The following ZNF124 variants were observed in gnomAD, a reference collection of about 807,000 sequenced individuals.
ZNF124 encodes the protein zinc finger protein 124.
In ZNF124, 25 loss-of-function variants were observed where a neutral mutation model predicts 26.6. The observed-to-expected ratio is 0.94, with a 90% CI of 0.68 to 1.31. The LOEUF is 1.31. Among genes scored for constraint, ZNF124 ranks in the 40% most tolerant of loss-of-function variants. ZNF124 has a pLI of 0.00. For missense variants in ZNF124, 444 were observed against 422.2 expected (o/e 1.05, Z -0.45); for synonymous variants, 129 against 133.3 (o/e 0.97, Z 0.22).
At chr1:247,165,056 G>A (rs1271746071) in intron 1 of ZNF124, among the ~76,000 whole-genome samples, 1 of 151,808 alleles carries the variant, frequency 6.6e-6, no homozygotes, top group Non-Finnish European at 1.5e-5. Context: ...AAGCTCCGCT[G>A]CCCCGGTTCA....
At chr1:247,123,522 T>G (rs1215272602) in exon 4 of ZNF124, 6 of 244,988 alleles carry the variant, frequency 2.4e-5, no homozygotes, top group Admixed American at 1.1e-4. Context: ...GTTAATAGCT[T>G]TATTGGGATC....
intron 3 of ZNF124, among the ~76,000 whole-genome samples, chr1:247,146,100 C>G (rs1253128678): frequency 6.6e-6 from 1 of 152,170 alleles, no homozygotes; most frequent in Non-Finnish European, 1.5e-5. Context: ...TGTGACCACC[C>G]CACTCAGGTT....
At chr1:247,133,444 C>T (rs1672414477) in intron 3 of ZNF124, among the ~76,000 whole-genome samples, 1 of 151,980 alleles carries the variant, frequency 6.6e-6, no homozygotes, top group African/African-American at 2.4e-5. Flanking sequence ...CAGAGAACAC[C>T]ATTAAGATAC....
rs925288824 is a variant in ZNF124, at chr1:247,157,342, A to T, written c.280T>A (p.Cys94Ser). 5 of 1,561,824 alleles carry T rather than the reference A, an allele frequency of 3.2e-6. No homozygotes were observed. Among genetic ancestry groups the T allele is most frequent in the Non-Finnish European group, 4.3e-6 (5 of 1,151,788 alleles). The change falls in exon 4 of 4, where the codon TGT becomes AGT. Residue 94 changes from cysteine (C) to serine (S), a missense_variant. Transcript: ENST00000543802. ...YGCEECGKKP[C>S]TCKQCQKTSL... ...GTTTTCTGACATTGTTTACATGTAC[A>T]TGGCTTCTTTCCGCATTCCTCACAC... is the stretch of plus-strand genomic sequence containing the variant.
intron 1 of ZNF124, 166 bp from the exon 2 acceptor site, chr1:247,159,979 C>CTTTTTTTTTTTTTTTTTTTTTTTT: frequency 7.0e-6 from 1 of 141,950 alleles, no homozygotes; most frequent in African/African-American, 4.4e-5. Context: ...CATAGCAGTT[C>CTTTTTTTTTTTTTTTTTTTTTTTT]TTTTTTTTTT....
At chr1:247,166,184 A>C (rs1169423772) in intron 1 of ZNF124, among the ~76,000 whole-genome samples, 2 of 152,214 alleles carry the variant, frequency 1.3e-5, no homozygotes, top group Non-Finnish European at 2.9e-5. Context: ...GCCTCAAAAA[A>C]ATAATAAAGT....
intron 3 of ZNF124, among the ~76,000 whole-genome samples, chr1:247,134,195 A>G (rs1250687171): frequency 2.6e-5 from 4 of 152,348 alleles, no homozygotes; most frequent in Admixed American, 6.5e-5. Context: ...AACTGCATCA[A>G]CTAATGGGCA....
In ZNF124 at chr1:247,156,957, T is replaced by TGAAGGCAATTGGAGTAACG. The variant is rs1287992084; in HGVS notation, c.646_664dup (p.His222ProfsTer10). On this transcript the variant is annotated frameshift_variant, in exon 4 of 4. Coordinates refer to ENST00000543802, the MANE Select transcript of ZNF124 (RefSeq NM_001297568.2). LOFTEE classifies it high-confidence loss of function. ...TCCAGTGTGAGTTCTTTCATGGTAA[T>TGAAGGCAATTGGAGTAACG]GAAGGCAATTGGAGTAACGGAAGGC... 3 of 1,613,030 alleles carry TGAAGGCAATTGGAGTAACG rather than the reference T, an allele frequency of 1.9e-6. No homozygotes were observed. The highest frequency in any genetic ancestry group is 1.6e-4 in the Middle Eastern group (1 of 6,078).
downstream of ZNF124, among the ~76,000 whole-genome samples, chr1:247,153,765 T>C (rs1372405621): frequency 6.6e-6 from 1 of 152,170 alleles, no homozygotes; most frequent in East Asian, 1.9e-4. Flanking sequence ...AAGAAGGTCA[T>C]TTTGTCTAAG....
In ZNF124 at chr1:247,156,023, A is replaced by G; in HGVS notation, c.*543T>C. The stretch of plus-strand genomic sequence containing the variant: ...AGTGAATTTTCTTGAGAATTGTACT[A>G]TAATTATTTTCCATAAGGTTTTCCA... On this transcript the variant is annotated 3_prime_UTR_variant, in exon 4 of 4. Transcript: ENST00000543802. 1.0e-6 allele frequency: 1 copy of G among 957,864 alleles called. No individual in the cohort carries two copies. The allele number at this position is 957,864 out of a possible 1,614,324, so 59.3% of individuals were successfully genotyped here.
chr1:247,155,829 C>A lies in ZNF124; in HGVS notation c.*737G>T, dbSNP rs1283456122. 15 of 703,582 alleles carry A rather than the reference C, an allele frequency of 2.1e-5. No homozygotes were observed. The highest frequency in any genetic ancestry group is 7.4e-4 in the Middle Eastern group (1 of 1,348). 43.6% of individuals were successfully genotyped at this position (703,582 alleles called of 1,614,324 possible). A position where few individuals can be genotyped will look rare whatever the true frequency, so the allele number is the denominator to read the frequency against. ...TGAACTGAGATTGTGCCACTGCACA[C>A]CAGCCTGGGCGACAAAGTGAGACTC... On this transcript the variant is annotated 3_prime_UTR_variant, in exon 4 of 4. Coordinates refer to ENST00000543802, the MANE Select transcript of ZNF124 (RefSeq NM_001297568.2).
rs552654304 is a variant in ZNF124, at chr1:247,155,974, G to A, written c.*592C>T. The A allele has an allele frequency of 8.5e-6, 8 of 935,784 alleles. No homozygotes were observed. In the South Asian group the frequency reaches 3.5e-4, roughly 40 times the overall value. 58.0% of individuals were successfully genotyped at this position (935,784 alleles called of 1,614,324 possible). A position where few individuals can be genotyped will look rare whatever the true frequency, so the allele number is the denominator to read the frequency against. Reference sequence around the variant, plus strand: ...AACCAATATATTCAATTTATTTATAGCTCCTAAAACATCTCATTCACATAG... The same window carrying A: ...AACCAATATATTCAATTTATTTATAACTCCTAAAACATCTCATTCACATAG... On this transcript the variant is annotated 3_prime_UTR_variant, in exon 4 of 4. Transcript: ENST00000543802.
Position 247,155,876 on chromosome 1 carries a change from A to AAG in ZNF124, c.*689_*690insCT. ...ACTCCATCTCAAAAAAAAAAAAAAA[A>AAG]GTCTCACCTCAATTTTTTTTTTTTC... is the stretch of plus-strand genomic sequence containing the variant. On this transcript the variant is annotated 3_prime_UTR_variant, in exon 4 of 4. Transcript: ENST00000543802. 8 of 788,864 alleles carry AAG rather than the reference A, an allele frequency of 1.0e-5. No individual in the cohort carries two copies. The highest frequency in any genetic ancestry group is 1.2e-5 in the Non-Finnish European group (8 of 652,870). 48.9% of individuals were successfully genotyped at this position (788,864 alleles called of 1,614,324 possible).
rs1167465195 is a variant in ZNF124, at chr1:247,157,275, T to G, written c.347A>C (p.His116Pro). 1 of 1,611,028 alleles carries G rather than the reference T, an allele frequency of 6.2e-7. No individual in the cohort carries two copies. Among genetic ancestry groups the G allele is most frequent in the Non-Finnish European group, 8.5e-7 (1 of 1,178,176 alleles). ...VTRVHRDTVM[H>P]TGNGHYGCTI... ...ACAACCATAATGTCCATTTCCAGTG[T>G]GCATTACTGTGTCTCTGTGAACCCT... Residue 116 changes from histidine to proline, a missense_variant, in exon 4 of 4, where the codon CAC (histidine) becomes CCC (proline). By Grantham distance (77) the His-to-Pro change is moderately conservative (BLOSUM62 -2). Coordinates refer to ENST00000543802, the MANE Select transcript of ZNF124 (RefSeq NM_001297568.2).
At chr1:247,163,322 G>GA (rs1239006932) in intron 1 of ZNF124, among the ~76,000 whole-genome samples, 300 of 134,522 alleles carry the variant, frequency 2.2e-3, no homozygotes, top group African/African-American at 8.3e-3. Flanking sequence ...AAGAGAGAGA[G>GA]AAAAAAAAGC....
At chr1:247,158,983 T>C in intron 3 of ZNF124, 23 bp downstream of exon 3, 1 of 1,608,036 alleles carries the variant, frequency 6.2e-7, no homozygotes, top group Non-Finnish European at 8.5e-7. Context: ...GGGGGACTGC[T>C]TCCTCTTGTG....
At chr1:247,151,816 T>TA (rs35511689), downstream of ZNF124, among the ~76,000 whole-genome samples, 172 of 137,652 alleles carry the variant, frequency 1.2e-3, no homozygotes, top group South Asian at 2.1e-3. Flanking sequence ...AATTCAATGC[T>TA]AAAAAAAAAA....
downstream of ZNF124, among the ~76,000 whole-genome samples, chr1:247,151,666 C>A (rs1487344772): frequency 2.0e-5 from 3 of 152,124 alleles, no homozygotes; most frequent in Non-Finnish European, 2.9e-5. Context: ...ATGTTCCCAA[C>A]AGAAATTTGT....
chr1:247,143,643 ACT>A (rs1298702600), intron 3 of ZNF124, among the ~76,000 whole-genome samples: 1 of 152,186 alleles, frequency 6.6e-6, no homozygotes, highest in Non-Finnish European at 1.5e-5. Flanking sequence ...TCTGAGGGTA[ACT>A]CTCTGAGCCA....
Sources: gnomAD v4.1 joint callset for allele counts (sites outside exome capture counted in the v4.1 genomes callset) on GRCh38, gnomAD v4.1.1 for gene constraint, MANE v1.5 for transcripts, NCBI Gene and HGNC (gene_info 2026-07-23, HGNC 2026-07-21) for gene names.